SH3GL2: variants seen among roughly 807,000 people sequenced by gnomAD.
SH3GL2 encodes the protein endophilin-A1.
In SH3GL2, 24 loss-of-function variants were observed where a neutral mutation model predicts 46.0. The ratio of observed to expected loss-of-function variants is 0.52; its 90% CI spans 0.38 to 0.73. The LOEUF (loss-of-function observed/expected upper bound fraction) is 0.73, where lower values mean the gene tolerates loss of function less well. Ranked by LOEUF, SH3GL2 falls within the 30% of genes least tolerant of loss-of-function variation. The probability of loss-of-function intolerance (pLI) is 0.00; values close to 1 mark genes in which losing one functional copy is unlikely to be tolerated. For missense variants in SH3GL2, 413 were observed against 424.2 expected, an observed-to-expected ratio of 0.97 and a Z score of 0.23; for synonymous variants, 196 against 147.1, an observed-to-expected ratio of 1.33 and a Z score of -2.40.
At chr9:17,696,818 A>G (rs1821214280) in intron 1 of SH3GL2, among the ~76,000 whole-genome samples, 1 of 151,812 alleles carries the variant, frequency 6.6e-6, no homozygotes, top group Non-Finnish European at 1.5e-5. Context: ...CCTTTTTTCG[A>G]TTTTTCATAG....
chr9:17,742,929 G>C (rs1012241118), intron 1 of SH3GL2, among the ~76,000 whole-genome samples: 9 of 151,756 alleles, frequency 5.9e-5, no homozygotes, highest in African/African-American at 2.2e-4. Flanking sequence ...CTTTTAAATA[G>C]GTGAACAGTT....
At chr9:17,644,938 CTGTTAT>C (rs949547560) in intron 1 of SH3GL2, among the ~76,000 whole-genome samples, 3 of 151,144 alleles carry the variant, frequency 2.0e-5, no homozygotes, top group African/African-American at 7.3e-5. Context: ...AAGTCTCCCA[CTGTTAT>C]TGTGTGGGAG....
At chr9:17,731,067 G>A (rs1052085351) in intron 1 of SH3GL2, among the ~76,000 whole-genome samples, 25 of 152,232 alleles carry the variant, frequency 1.6e-4, no homozygotes, top group African/African-American at 5.1e-4. Context: ...CTGTGGTTCT[G>A]CAGATGAAAG....
At chr9:17,721,956 A>AGTGAG (rs1821904817) in intron 1 of SH3GL2, among the ~76,000 whole-genome samples, 1 of 152,112 alleles carries the variant, frequency 6.6e-6, no homozygotes, top group African/African-American at 2.4e-5. Context: ...AGGTGTCCGC[A>AGTGAG]GTGAGGTGAG....
intron 2 of SH3GL2, among the ~76,000 whole-genome samples, chr9:17,754,486 A>G (rs1822933834): frequency 6.6e-6 from 1 of 152,062 alleles, no homozygotes; most frequent in Non-Finnish European, 1.5e-5. Flanking sequence ...ATCCTGGCTA[A>G]CATGGTGAAA....
rs557108485 is a variant in SH3GL2 at position 17,639,385 on chromosome 9, A to C, written c.45+60098A>C. ...CAGACAACCCAATAAAAATATAGAC[A>C]AATGGTTTGTATAGACCTGTCTTAA... On this transcript the variant is annotated intron_variant, in intron 1 of 8. Transcript: ENST00000380607. 2.0e-4 allele frequency among the ~76,000 whole-genome samples: 30 copies of C among 152,342 alleles called. No individual in the cohort carries two copies. In the South Asian group the frequency reaches 5.0e-3, roughly 25 times the overall value.
At chr9:17,606,083 A>C (rs1247505656) in intron 1 of SH3GL2, among the ~76,000 whole-genome samples, 3 of 87,450 alleles carry the variant, frequency 3.4e-5, no homozygotes, top group Admixed American at 1.5e-4. Context: ...CACTTGCGTG[A>C]GGTTTGTTTG....
chr9:17,690,757 G>T (rs764848794), intron 1 of SH3GL2, among the ~76,000 whole-genome samples: 6 of 152,070 alleles, frequency 3.9e-5, no homozygotes, highest in Non-Finnish European at 8.8e-5. Context: ...GCACCTATGT[G>T]AATAAAATAC....
intron 1 of SH3GL2, among the ~76,000 whole-genome samples, chr9:17,743,714 C>G (rs1216849394): frequency 6.6e-6 from 1 of 152,146 alleles, no homozygotes; most frequent in Non-Finnish European, 1.5e-5. Flanking sequence ...TAGAGTGATG[C>G]AGCTACTGTG....
At chr9:17,673,246 T>A (rs1278772609) in intron 1 of SH3GL2, among the ~76,000 whole-genome samples, 1 of 151,982 alleles carries the variant, frequency 6.6e-6, no homozygotes, top group African/African-American at 2.4e-5. Context: ...CCTCCTGGGC[T>A]CAAGCAATCC....
intron 1 of SH3GL2, among the ~76,000 whole-genome samples, chr9:17,647,051 C>T (rs1563796404): frequency 6.6e-6 from 1 of 152,146 alleles, no homozygotes; most frequent in African/African-American, 2.4e-5. Context: ...GGGCTGTTGC[C>T]TTTCCTCAGA....
chr9:17,678,175 G>A (rs377700683), intron 1 of SH3GL2, among the ~76,000 whole-genome samples: 14 of 151,938 alleles, frequency 9.2e-5, no homozygotes, highest in Non-Finnish European at 2.1e-4. Flanking sequence ...GGGTCAAATG[G>A]TATTTCTAGT....
At chr9:17,639,720 T>C (rs896508568) in intron 1 of SH3GL2, among the ~76,000 whole-genome samples, 1 of 152,242 alleles carries the variant, frequency 6.6e-6, no homozygotes, top group African/African-American at 2.4e-5. Context: ...GCAGTGCTAT[T>C]CATAATAGTC....
chr9:17,666,036 C>T (rs1820333281), intron 1 of SH3GL2, among the ~76,000 whole-genome samples: 2 of 151,120 alleles, frequency 1.3e-5, no homozygotes, highest in Middle Eastern at 3.2e-3. Flanking sequence ...CTTAATATAC[C>T]TACTTATTTG....
intron 1 of SH3GL2, among the ~76,000 whole-genome samples, chr9:17,612,456 C>G (rs1356683140): frequency 6.6e-6 from 1 of 152,160 alleles, no homozygotes; most frequent in Non-Finnish European, 1.5e-5. Context: ...TGCTCTTAAT[C>G]AAGGTTGTCA....
intron 1 of SH3GL2, among the ~76,000 whole-genome samples, chr9:17,603,708 A>G (rs996246849): frequency 2.0e-4 from 30 of 152,142 alleles, no homozygotes; most frequent in African/African-American, 7.2e-4. Flanking sequence ...TAGAAATACA[A>G]AATTAGCCGA....
intron 1 of SH3GL2, among the ~76,000 whole-genome samples, chr9:17,634,817 C>T (rs1484482515): frequency 1.3e-5 from 2 of 152,164 alleles, no homozygotes; most frequent in Non-Finnish European, 2.9e-5. Context: ...CAGAACCACA[C>T]AATACACACA....
intron 2 of SH3GL2, among the ~76,000 whole-genome samples, chr9:17,751,479 C>CGTGCGT (rs1554646596): frequency 2.7e-5 from 4 of 146,366 alleles, no homozygotes; most frequent in Admixed American, 2.7e-4. Flanking sequence ...TTTGTGTGTG[C>CGTGCGT]GTGTGTGTGT....
intron 2 of SH3GL2, among the ~76,000 whole-genome samples, chr9:17,757,107 G>A (rs1823018301): frequency 1.3e-5 from 2 of 152,092 alleles, no homozygotes; most frequent in Non-Finnish European, 2.9e-5. Flanking sequence ...TATGTCTGTT[G>A]GCTGCATAAA....
Sources: allele counts gnomAD v4.1 joint callset (sites outside exome capture counted in the v4.1 genomes callset), GRCh38; gene constraint gnomAD v4.1.1; transcripts MANE v1.5; gene names NCBI Gene and HGNC (gene_info 2026-07-23, HGNC 2026-07-21).